The following ALS2 variants were observed in gnomAD, a reference collection of about 807,000 sequenced individuals.
ALS2 encodes alsin Rho guanine nucleotide exchange factor ALS2, also known as alsin.
In ALS2, 117 loss-of-function variants were observed where a neutral mutation model predicts 203.4. The ratio of observed to expected loss-of-function variants is 0.58; its 90% confidence interval spans 0.50 to 0.67. The LOEUF is 0.67. Ranked by LOEUF, ALS2 falls within the 30% of genes least tolerant of loss-of-function variation. The probability of loss-of-function intolerance (pLI) is 0.00; values close to 1 mark genes in which losing one functional copy is unlikely to be tolerated. For missense variants in ALS2, 1,715 were observed against 1,989.4 expected (o/e 0.86, Z 2.62); for synonymous variants, 718 against 725.9 (o/e 0.99, Z 0.17).
At position 201,733,200 on chromosome 2, in the gene ALS2, G is replaced by C. The variant is rs139378346; in HGVS notation, c.2580+76C>G. 4.1e-6 allele frequency: 6 copies of C among 1,451,658 alleles called. No homozygotes were observed. The East Asian group carries it at 1.4e-4, about 33-fold the overall frequency. The allele number at this position is 1,451,658 out of a possible 1,614,324, so 89.9% of individuals were successfully genotyped here. A position where few individuals can be genotyped will look rare whatever the true frequency, so the allele number is the denominator to read the frequency against. ...TTAAATTACTGGAGTTCCAGATCTT[G>C]TGGTGGCATAATCCATACAAACAAC... On this transcript the variant is annotated intron_variant, in intron 13 of 33. Coordinates refer to ENST00000264276, the MANE Select transcript of ALS2 (RefSeq NM_020919.4).
intron 4 of ALS2, 115 bp from the exon 5 acceptor site, chr2:201,757,874 C>G (rs1559080000): frequency 1.3e-6 from 1 of 791,430 alleles, no homozygotes; most frequent in South Asian, 1.8e-5. Context: ...TCTAAAACGA[C>G]AGAAGTTCTC....
At chr2:201,723,491 T>G in intron 21 of ALS2, 50 bp from the exon 22 acceptor site, 2 of 1,476,250 alleles carry the variant, frequency 1.4e-6, no homozygotes, top group Non-Finnish European at 1.9e-6. Flanking sequence ...AAGGATAAAG[T>G]AGGGAAAAGA....
chr2:201,720,918 T>C (rs115050747), intron 23 of ALS2, among the ~76,000 whole-genome samples: 2,314 of 152,300 alleles, frequency 0.015, 23 homozygotes, highest in Middle Eastern at 0.031. Context: ...GTAGGTGATA[T>C]GATTCTGTAT....
chr2:201,778,618 C>T (rs1195285896), intron 1 of ALS2: 1 of 152,124 alleles, frequency 6.6e-6, no homozygotes. Flanking sequence ...TTCTTAAGGA[C>T]TGACACCCTA....
intron 1 of ALS2, among the ~76,000 whole-genome samples, chr2:201,779,417 T>C (rs924787169): frequency 6.6e-6 from 1 of 152,238 alleles, no homozygotes; most frequent in Non-Finnish European, 1.5e-5. Flanking sequence ...ATTCAAACCA[T>C]GTATAGATTC....
intron 27 of ALS2, among the ~76,000 whole-genome samples, chr2:201,709,651 C>T (rs1689918498): frequency 6.6e-6 from 1 of 152,126 alleles, no homozygotes; most frequent in Admixed American, 6.5e-5. Context: ...AAACCCCAAA[C>T]ATTTATTTTA....
chr2:201,748,243 A>T (rs1692798886), intron 8 of ALS2, among the ~76,000 whole-genome samples: 1 of 152,046 alleles, frequency 6.6e-6, no homozygotes, highest in Non-Finnish European at 1.5e-5. Flanking sequence ...ATTTTATAGC[A>T]GTCTTCTTCT....
chr2:201,753,753 T>C (rs1283904562), intron 6 of ALS2, among the ~76,000 whole-genome samples: 2 of 152,190 alleles, frequency 1.3e-5, no homozygotes, highest in Non-Finnish European at 2.9e-5. Flanking sequence ...GATGTTTGAA[T>C]TATAGTTATT....
chr2:201,715,415 T>C (rs758125119), intron 25 of ALS2, among the ~76,000 whole-genome samples: 49 of 152,228 alleles, frequency 3.2e-4, no homozygotes, highest in Non-Finnish European at 6.2e-4. Flanking sequence ...TGTGGTACTT[T>C]GAATTCAGGT....
intron 29 of ALS2, among the ~76,000 whole-genome samples, chr2:201,705,913 C>T (rs1158960577): frequency 1.3e-5 from 2 of 149,392 alleles, no homozygotes; most frequent in Non-Finnish European, 3.0e-5. Context: ...GGTGCCACTG[C>T]ACTCCAGCCA....
intron 12 of ALS2, among the ~76,000 whole-genome samples, chr2:201,737,879 G>A (rs142975148): frequency 4.3e-4 from 65 of 151,484 alleles, no homozygotes; most frequent in African/African-American, 1.2e-3. Flanking sequence ...CCAAGATTGC[G>A]CCACTGCATT....
At chr2:201,746,925 C>T (rs192795019) in intron 8 of ALS2, among the ~76,000 whole-genome samples, 177 bp from the exon 9 acceptor site, 34 of 152,218 alleles carry the variant, frequency 2.2e-4, no homozygotes, top group Non-Finnish European at 4.3e-4. Context: ...AGGAGTAAGA[C>T]GGAATCCCTT....
intron 4 of ALS2, among the ~76,000 whole-genome samples, chr2:201,758,994 C>T (rs1693589262): frequency 6.6e-6 from 1 of 152,156 alleles, no homozygotes; most frequent in South Asian, 2.1e-4. Flanking sequence ...CCTATTACTT[C>T]TTTGGTGATA....
intron 6 of ALS2, 106 bp from the exon 7 acceptor site, chr2:201,753,348 G>A: frequency 1.1e-6 from 1 of 894,328 alleles, no homozygotes; most frequent in South Asian, 1.4e-5. Context: ...CATTTCTAAA[G>A]AAAACATTAA....
chr2:201,769,473 A>C (rs1359815937), intron 1 of ALS2, among the ~76,000 whole-genome samples: 1 of 152,222 alleles, frequency 6.6e-6, no homozygotes. Flanking sequence ...AAGAAGGAAC[A>C]TTTTCCCCAA....
rs182168523 is a variant in ALS2 at position 201,718,832 on chromosome 2, G to A, written c.3703-622C>T. On this transcript the variant is annotated intron_variant, in intron 23 of 33. Transcript: ENST00000264276. The stretch of plus-strand genomic sequence containing the variant: ...AGCAGTGCTTAGAGGGAAACTTTTA[G>A]CTGTTAACACCTATCTTTTCAGGAA... Among the ~76,000 whole-genome samples, 7 of 152,260 alleles carry A rather than the reference G, an allele frequency of 4.6e-5. No individual in the cohort carries two copies. The East Asian group carries it at 1.4e-3, about 29-fold the overall frequency.
chr2:201,780,724 C>G (rs1005869272), intron 1 of ALS2, among the ~76,000 whole-genome samples, 153 bp downstream of exon 1: 2 of 152,214 alleles, frequency 1.3e-5, no homozygotes, highest in African/African-American at 4.8e-5. Flanking sequence ...TGGGAAAATG[C>G]GGGCGCCGTC....
At chr2:201,743,411 T>C (rs1692420513) in intron 10 of ALS2, among the ~76,000 whole-genome samples, 1 of 152,178 alleles carries the variant, frequency 6.6e-6, no homozygotes, top group Non-Finnish European at 1.5e-5. Context: ...TATTACCCCG[T>C]CACTTCCAAC....
intron 29 of ALS2, among the ~76,000 whole-genome samples, chr2:201,705,667 C>T (rs1689663763): frequency 6.6e-6 from 1 of 152,128 alleles, no homozygotes; most frequent in African/African-American, 2.4e-5. Flanking sequence ...ATCCCAATAA[C>T]CTACACGTTA....
Sources: allele counts gnomAD v4.1 joint callset (sites outside exome capture counted in the v4.1 genomes callset), GRCh38; gene constraint gnomAD v4.1.1; transcripts MANE v1.5; gene names NCBI Gene and HGNC (gene_info 2026-07-23, HGNC 2026-07-21).